TMEM259: variants seen among roughly 807,000 people sequenced by gnomAD.
TMEM259 encodes the protein membralin.
In TMEM259, 26 loss-of-function variants were observed where a neutral mutation model predicts 46.7. The observed-to-expected ratio is 0.56, with a 90% CI of 0.41 to 0.77. The LOEUF is 0.77. TMEM259 is among the 30% of genes least tolerant of loss of function. The pLI is 0.00. For synonymous variants in TMEM259, 494 were observed against 395.1 expected (o/e 1.25, Z -2.97); for missense variants, 930 against 900.5 (o/e 1.03, Z -0.42).
At chr19:1,013,616 A>C in intron 2 of TMEM259, 1 of 405,062 alleles carries the variant, frequency 2.5e-6, no homozygotes, top group South Asian at 2.9e-5. Context: ...GGAAGGGTCC[A>C]TGATGCTCTG....
At chr19:1,016,282 G>A (rs1599485831) in intron 1 of TMEM259, among the ~76,000 whole-genome samples, 1 of 152,212 alleles carries the variant, frequency 6.6e-6, no homozygotes, top group South Asian at 2.1e-4. Context: ...AGTGTGGAAG[G>A]GGGGCAGCCC....
At chr19:1,015,377 G>A (rs2039073956) in intron 1 of TMEM259, among the ~76,000 whole-genome samples, 1 of 152,186 alleles carries the variant, frequency 6.6e-6, no homozygotes, top group Admixed American at 6.5e-5. Flanking sequence ...CAGTGCCCAG[G>A]ACGGCCCCAC....
intron 1 of TMEM259, among the ~76,000 whole-genome samples, chr19:1,018,265 G>T (rs546558132): frequency 6.6e-6 from 1 of 152,332 alleles, no homozygotes; most frequent in African/African-American, 2.4e-5. Flanking sequence ...TGGAACACAG[G>T]CCCCTGCCGC....
chr19:1,010,934 C>T, intron 10 of TMEM259, 39 bp from the exon 11 acceptor site: 1 of 1,572,646 alleles, frequency 6.4e-7, no homozygotes, highest in Non-Finnish European at 8.6e-7. Flanking sequence ...GGGCCCGCCC[C>T]TGCCCCACCC....
Position 1,010,530 on chromosome 19 carries a change from G to A in TMEM259, c.1683C>T (p.Leu561=). Residue 561 remains leucine (L), a synonymous_variant, in exon 11 of 11, where the codon CTC becomes CTT. Transcript: ENST00000356663. ...GCGGGCTGGCTGGACGCCGCTCCAGGAGGGAGGCGCTCAGGCCGGACAGGA... is the reference window on the plus strand; with the variant it reads ...GCGGGCTGGCTGGACGCCGCTCCAGAAGGGAGGCGCTCAGGCCGGACAGGA... ...ASFLSGLSAS[L]LERRPASPLG... is the part of the protein sequence containing the mutation. 2.6e-6 allele frequency: 4 copies of A among 1,548,148 alleles called. No individual in the cohort carries two copies. Among genetic ancestry groups the A allele is most frequent in the Non-Finnish European group, 2.6e-6 (3 of 1,146,728 alleles).
At chr19:1,018,541 C>T (rs998851873) in intron 1 of TMEM259, among the ~76,000 whole-genome samples, 1 of 152,172 alleles carries the variant, frequency 6.6e-6, no homozygotes, top group Non-Finnish European at 1.5e-5. Context: ...GGAAGCCAGG[C>T]AGGCAGGAAG....
Position 1,021,057 on chromosome 19 carries a change from C to A in TMEM259, c.-61G>T. On this transcript the variant is annotated 5_prime_UTR_variant, in exon 1 of 11. Coordinates refer to ENST00000356663, the MANE Select transcript of TMEM259 (RefSeq NM_001033026.2). ...TCCGAGGGCGCCTCCCGGCCGCCAT[C>A]GGCCGCCCTCGCAGCCGCCGCTCTC... 7.8e-7 allele frequency: 1 copy of A among 1,282,544 alleles called. No individual in the cohort carries two copies. Among genetic ancestry groups the A allele is most frequent in the Non-Finnish European group, 9.9e-7 (1 of 1,008,900 alleles). 79.4% of individuals were successfully genotyped at this position (1,282,544 alleles called of 1,614,324 possible).
At chr19:1,010,955 C>T in intron 10 of TMEM259, 60 bp from the exon 11 acceptor site, 2 of 1,562,174 alleles carry the variant, frequency 1.3e-6, no homozygotes, top group Non-Finnish European at 1.7e-6. Flanking sequence ...AGCCGCTGCT[C>T]CCAGAGGGCA....
chr19:1,017,815 G>A (rs1471199962), intron 1 of TMEM259, among the ~76,000 whole-genome samples: 1 of 152,132 alleles, frequency 6.6e-6, no homozygotes, highest in Non-Finnish European at 1.5e-5. Flanking sequence ...CCTCCCAGGT[G>A]GGACACAGAG....
Position 1,011,590 on chromosome 19 carries a change from C to T in TMEM259, c.1074G>A (p.Leu358=), listed in dbSNP as rs1568400493. The T allele has an allele frequency of 6.5e-7, 1 of 1,544,326 alleles. No individual in the cohort carries two copies. The highest frequency in any genetic ancestry group is 8.7e-7 in the Non-Finnish European group (1 of 1,145,328). The change falls in exon 8 of 11, where the codon CTG becomes CTA. Residue 358 remains leucine (L), a synonymous_variant. Transcript: ENST00000356663. The stretch of plus-strand genomic sequence containing the variant: ...GGGTGGGGTCCTCACCGACGAGGGC[C>T]AGGATGACGGTCAGCAGGGGCGCTG... ...FPAAPLLTVI[L]ALVGMEAIMS...
At chr19:1,011,861 C>A in intron 6 of TMEM259, 31 bp downstream of exon 6, 1 of 1,595,404 alleles carries the variant, frequency 6.3e-7, no homozygotes, top group Non-Finnish European at 8.6e-7. Context: ...TCCCGCCCGG[C>A]CAGCCCCCGC....
At chr19:1,014,551 TGATGGGGCGC>T (rs1351293816) in intron 1 of TMEM259, 78 bp from the exon 2 acceptor site, 23 of 844,806 alleles carry the variant, frequency 2.7e-5, no homozygotes, top group African/African-American at 1.5e-4. Flanking sequence ...TGATGGGGCG[TGATGGGGCGC>T]GCTGGGACGC....
At position 1,013,290 on chromosome 19, in the gene TMEM259, C is replaced by G. The variant is rs916489595; in HGVS notation, c.558G>C (p.Glu186Asp). The G allele has an allele frequency of 1.2e-6, 2 of 1,613,734 alleles. No individual in the cohort carries two copies. The highest frequency in any genetic ancestry group is 1.7e-6 in the Non-Finnish European group (2 of 1,179,840). ...GGAACTCCTGGCTGTCATTCAGGGC[C>G]TCTGTGCTACTCGGCGGCTTGAACA... ...PKVFKPPSST[E>D]ALNDSQEFPF... Residue 186 changes from glutamate to aspartate, a missense_variant, in exon 3 of 11, where the codon GAG (glutamate) becomes GAC (aspartate). By Grantham distance (45) the Glu-to-Asp change is conservative (BLOSUM62 2). Coordinates refer to ENST00000356663, the MANE Select transcript of TMEM259 (RefSeq NM_001033026.2).
intron 1 of TMEM259, among the ~76,000 whole-genome samples, chr19:1,015,124 C>A (rs992272795): frequency 1.2e-4 from 19 of 152,252 alleles, no homozygotes; most frequent in African/African-American, 4.6e-4. Flanking sequence ...CCCTGTGCAA[C>A]CCTCCCAGGC....
intron 1 of TMEM259, among the ~76,000 whole-genome samples, chr19:1,018,971 G>A (rs1479860308): frequency 7.1e-6 from 1 of 141,584 alleles, no homozygotes; most frequent in African/African-American, 2.7e-5. Context: ...CTGGGTGACA[G>A]AGCAAGACTC....
rs1487216178 is a variant in TMEM259 at position 1,012,201 on chromosome 19, G to A, written c.719-13C>T. 1.3e-6 allele frequency: 2 copies of A among 1,591,408 alleles called. No individual in the cohort carries two copies. Among genetic ancestry groups the A allele is most frequent in the Non-Finnish European group, 1.7e-6 (2 of 1,170,190 alleles). ...TCCCGCGTGGGGTCTGCGGGTGGGT[G>A]AATCAGGGAGCCGGGAGCCCCGCCC... On this transcript the variant is annotated splice_polypyrimidine_tract_variant and intron_variant, in intron 4 of 10. Coordinates refer to ENST00000356663, the MANE Select transcript of TMEM259 (RefSeq NM_001033026.2).
intron 1 of TMEM259, among the ~76,000 whole-genome samples, chr19:1,018,153 C>T (rs1049571731): frequency 2.6e-5 from 4 of 152,214 alleles, no homozygotes; most frequent in African/African-American, 7.2e-5. Flanking sequence ...GGTGCAGGCA[C>T]CCAGTGCCCC....
intron 3 of TMEM259, 97 bp downstream of exon 3, chr19:1,013,144 A>C: frequency 9.1e-7 from 1 of 1,098,304 alleles, no homozygotes; most frequent in South Asian, 1.3e-5. Flanking sequence ...ACATGCAGCC[A>C]GCAGGCTGGG....
Position 1,014,437 on chromosome 19 carries a change from T to C in TMEM259, c.262A>G (p.Ile88Val). ...TTGATGGGCGAGCGGGAGAAGACGA[T>C]GTGGATGTAGGCCAGGACGAAGAGC... ...FVLFVLAYIH[I>V]VFSRSPINCL... Residue 88 changes from isoleucine to valine, a missense_variant, in exon 2 of 11, where the codon ATC (isoleucine) becomes GTC (valine). Transcript: ENST00000356663. The C allele has an allele frequency of 2.5e-6, 4 of 1,611,742 alleles. No individual in the cohort carries two copies. The highest frequency in any genetic ancestry group is 8.5e-7 in the Non-Finnish European group (1 of 1,179,828).
Sources: allele counts gnomAD v4.1 joint callset (sites outside exome capture counted in the v4.1 genomes callset), GRCh38; gene constraint gnomAD v4.1.1; transcripts MANE v1.5; gene names NCBI Gene and HGNC (gene_info 2026-07-23, HGNC 2026-07-21).